Variants in MAP4 observed in about 807,000 individuals in gnomAD.
MAP4 encodes the protein microtubule-associated protein 4.
Under a neutral mutation model 170.2 loss-of-function variants are expected in MAP4, and 76 were observed. The observed-to-expected ratio is 0.45, with a 90% CI of 0.37 to 0.54. The LOEUF is 0.54. MAP4 is among the 20% of genes least tolerant of loss of function. The pLI is 0.00. For missense variants in MAP4, 2,506 were observed against 2,748.0 expected (o/e 0.91, Z 1.97); for synonymous variants, 909 against 994.5 (o/e 0.91, Z 1.62).
intron 2 of MAP4, among the ~76,000 whole-genome samples, chr3:47,983,909 T>A (rs1578771815): frequency 1.3e-5 from 2 of 152,378 alleles, no homozygotes; most frequent in East Asian, 3.9e-4. Flanking sequence ...TTCAGTTGAC[T>A]CCTGTGTCCC....
At chr3:47,853,388 A>T in intron 19 of MAP4, 36 bp from the exon 20 acceptor site, 7 of 1,437,618 alleles carry the variant, frequency 4.9e-6, no homozygotes, top group Non-Finnish European at 5.7e-6. Context: ...GTGCAGGGTC[A>T]GTCGAGGGGG....
In MAP4 at chr3:47,936,027, G is replaced by A. The variant is rs116245580; in HGVS notation, c.293-7677C>T. ...TATAAAATTAAGAATATAGCTGCCA[G>A]TGGCCATCTTTCTCAACCCTGAAAG... On this transcript the variant is annotated intron_variant, in intron 3 of 20. Transcript: ENST00000683076. Among the ~76,000 whole-genome samples, 603 of 151,732 alleles carry A rather than the reference G, an allele frequency of 4.0e-3. 6 individuals carry two copies. The highest frequency in any genetic ancestry group is 0.014 in the African/African-American group (584 of 41,342).
At chr3:47,966,717 T>A (rs73087137) in intron 3 of MAP4, among the ~76,000 whole-genome samples, 2,962 of 152,244 alleles carry the variant, frequency 0.019, 39 homozygotes, top group Non-Finnish European at 0.029. Flanking sequence ...AGTTTTCCCC[T>A]CATCATTTAT....
At chr3:48,070,575 G>A (rs1244682444) in intron 1 of MAP4, among the ~76,000 whole-genome samples, 1 of 151,692 alleles carries the variant, frequency 6.6e-6, no homozygotes, top group Admixed American at 6.6e-5. Context: ...TCCCATCCTT[G>A]GTATCCGAAG....
chr3:47,978,358 C>G (rs1350885487), intron 2 of MAP4, among the ~76,000 whole-genome samples: 1 of 152,142 alleles, frequency 6.6e-6, no homozygotes, highest in African/African-American at 2.4e-5. Context: ...GCTCTTGTCA[C>G]CCAGACTGGA....
At chr3:47,966,548 A>AT (rs1289146583) in intron 3 of MAP4, among the ~76,000 whole-genome samples, 13 of 150,236 alleles carry the variant, frequency 8.7e-5, no homozygotes, top group East Asian at 5.9e-4. Context: ...CACCTGGCCA[A>AT]TTTTTTTTTC....
chr3:48,050,718 C>T (rs1346677188), intron 1 of MAP4, among the ~76,000 whole-genome samples: 1 of 151,626 alleles, frequency 6.6e-6, no homozygotes, highest in African/African-American at 2.4e-5. Context: ...CCATCCTGGC[C>T]AACATGGTGA....
chr3:47,873,980 A>G (rs1189357128), intron 12 of MAP4, among the ~76,000 whole-genome samples: 2 of 152,024 alleles, frequency 1.3e-5, no homozygotes, highest in African/African-American at 2.4e-5. Context: ...TAATCTACTT[A>G]TTTTTTCTGA....
chr3:47,969,828 C>T (rs1333306928), intron 3 of MAP4, among the ~76,000 whole-genome samples: 2 of 151,856 alleles, frequency 1.3e-5, no homozygotes, highest in Non-Finnish European at 2.9e-5. Context: ...CCACTGCACT[C>T]CAGCCTGGGC....
chr3:48,053,823 T>C (rs547307892), intron 1 of MAP4, among the ~76,000 whole-genome samples: 2 of 152,354 alleles, frequency 1.3e-5, no homozygotes, highest in Admixed American at 6.5e-5. Flanking sequence ...ATGATGCTTA[T>C]ATCGAGCAAA....
At chr3:47,993,150 C>T (rs991224239) in intron 2 of MAP4, among the ~76,000 whole-genome samples, 1 of 152,038 alleles carries the variant, frequency 6.6e-6, no homozygotes, top group Non-Finnish European at 1.5e-5. Flanking sequence ...CAGTAGTTTA[C>T]ACATGAATAA....
chr3:47,946,836 CA>C (rs2154067606), intron 3 of MAP4, among the ~76,000 whole-genome samples: 1 of 151,944 alleles, frequency 6.6e-6, no homozygotes, highest in African/African-American at 2.4e-5. Context: ...ACAGGTTAAG[CA>C]GGTTATATTT....
chr3:47,991,500 C>T (rs1046831205), intron 2 of MAP4, among the ~76,000 whole-genome samples: 2 of 151,988 alleles, frequency 1.3e-5, no homozygotes, highest in African/African-American at 4.8e-5. Context: ...GTCTGACTGT[C>T]GCTATAAAAA....
At chr3:48,012,367 T>C (rs769103272) in intron 1 of MAP4, among the ~76,000 whole-genome samples, 58 of 152,156 alleles carry the variant, frequency 3.8e-4, no homozygotes, top group African/African-American at 1.3e-3. Flanking sequence ...CTGGACCTAG[T>C]TGAGCTAAGG....
chr3:48,030,174 A>T (rs1282365194), intron 1 of MAP4, among the ~76,000 whole-genome samples: 1 of 150,966 alleles, frequency 6.6e-6, no homozygotes, highest in Non-Finnish European at 1.5e-5. Context: ...GGATCATCTA[A>T]GGCTAAGAAT....
chr3:47,858,131 A>C (rs1371031497), intron 17 of MAP4, among the ~76,000 whole-genome samples: 1 of 149,518 alleles, frequency 6.7e-6, no homozygotes, highest in African/African-American at 2.5e-5. Context: ...CTTCTGCCTC[A>C]GCCTCTGGAG....
intron 3 of MAP4, among the ~76,000 whole-genome samples, chr3:47,972,905 G>GA (rs1336090470): frequency 3.3e-5 from 5 of 150,358 alleles, no homozygotes; most frequent in Admixed American, 1.3e-4. Flanking sequence ...AAAGAAAAAA[G>GA]AAAAAAAAAT....
Position 47,883,973 on chromosome 3 carries a change from C to A in MAP4, c.5435-6450G>T, listed in dbSNP as rs997323709. On this transcript the variant is annotated intron_variant, in intron 10 of 20. Coordinates refer to ENST00000683076, the MANE Select transcript of MAP4 (RefSeq NM_001385682.1). Reference sequence around the variant, plus strand: ...ATTATGAAAAGTCATGGCATGATTTCTCCACATTTATCCTATTTGGTATTT... The same window carrying A: ...ATTATGAAAAGTCATGGCATGATTTATCCACATTTATCCTATTTGGTATTT... Among the ~76,000 whole-genome samples, 3 of 152,078 alleles carry A rather than the reference C, an allele frequency of 2.0e-5. 1 individual carries two copies. The South Asian group carries it at 6.2e-4, about 31-fold the overall frequency.
At chr3:48,007,830 A>G (rs925686504) in intron 1 of MAP4, among the ~76,000 whole-genome samples, 1 of 151,904 alleles carries the variant, frequency 6.6e-6, no homozygotes, top group African/African-American at 2.4e-5. Context: ...GTGCCACCAC[A>G]TCCAGCTAAT....
Sources: gnomAD v4.1 joint callset for allele counts (sites outside exome capture counted in the v4.1 genomes callset) on GRCh38, gnomAD v4.1.1 for gene constraint, MANE v1.5 for transcripts, NCBI Gene and HGNC (gene_info 2026-07-23, HGNC 2026-07-21) for gene names.